Variants in ASCC3 observed in about 807,000 individuals in gnomAD.
The protein encoded by ASCC3 is activating signal cointegrator 1 complex subunit 3, also known as ASC-1 complex subunit P200.
ASCC3 carries 158 observed loss-of-function variants against 256.3 expected under a neutral mutation model. That is an observed-to-expected ratio of 0.62 (90% CI 0.54 to 0.70). The LOEUF (loss-of-function observed/expected upper bound fraction) is 0.70. Ranked by LOEUF, ASCC3 falls within the 30% of genes least tolerant of loss-of-function variation. ASCC3 has a pLI of 0.00. For synonymous variants in ASCC3, 948 were observed against 883.4 expected (o/e 1.07, Z -1.30); for missense variants, 2,259 against 2,626.0 (o/e 0.86, Z 3.05).
chr6:100,863,860 C>T (rs915659216), intron 3 of ASCC3, among the ~76,000 whole-genome samples: 2 of 152,078 alleles, frequency 1.3e-5, no homozygotes, highest in South Asian at 4.2e-4. Flanking sequence ...TGGACTCAAG[C>T]GATCTGCCTG....
Position 100,561,367 on chromosome 6 carries a change from C to T in ASCC3, c.5551-20980G>A, listed in dbSNP as rs151153435. 2.2e-3 allele frequency among the ~76,000 whole-genome samples: 337 copies of T among 152,036 alleles called. 1 individual carries two copies. The highest frequency in any genetic ancestry group is 6.4e-3 in the South Asian group (31 of 4,808). On this transcript the variant is annotated intron_variant, in intron 36 of 41. Transcript: ENST00000369162. Reference sequence around the variant, plus strand: ...GTTCTAAATGTATTGTGTTAAAATTCCTTGAATTCTGAAATCCATATATAC... The same window carrying T: ...GTTCTAAATGTATTGTGTTAAAATTTCTTGAATTCTGAAATCCATATATAC...
In ASCC3 at chr6:100,671,751, A is replaced by G. The variant is rs78949867; in HGVS notation, c.2286+7867T>C. Reference sequence around the variant, plus strand: ...TTTACATAACGTTTTCCTACTCATGAGAGAAAAAACACAATGTCAATGCTT... The same window carrying G: ...TTTACATAACGTTTTCCTACTCATGGGAGAAAAAACACAATGTCAATGCTT... On this transcript the variant is annotated intron_variant, in intron 14 of 41. Transcript: ENST00000369162. 1.5e-3 allele frequency among the ~76,000 whole-genome samples: 230 copies of G among 152,210 alleles called. 7 individuals carry two copies. The East Asian group carries it at 0.039, about 26-fold the overall frequency.
chr6:100,689,014 T>A (rs575696041), intron 13 of ASCC3, among the ~76,000 whole-genome samples: 2 of 152,342 alleles, frequency 1.3e-5, no homozygotes, highest in South Asian at 4.1e-4. Flanking sequence ...CTCTTCCTGT[T>A]GTTTAAAACC....
At chr6:100,637,300 C>A (rs745733250) in intron 25 of ASCC3, among the ~76,000 whole-genome samples, 1 of 152,144 alleles carries the variant, frequency 6.6e-6, no homozygotes, top group Non-Finnish European at 1.5e-5. Flanking sequence ...GACAGCATAT[C>A]TACTAAACAG....
chr6:100,539,851 G>A (rs371331985), intron 37 of ASCC3, among the ~76,000 whole-genome samples: 8 of 151,644 alleles, frequency 5.3e-5, no homozygotes, highest in Non-Finnish European at 1.0e-4. Flanking sequence ...AGTCTTCCCC[G>A]TCTTGAGTGA....
chr6:100,638,994 G>A (rs75717562), intron 24 of ASCC3, among the ~76,000 whole-genome samples, 173 bp from the exon 25 acceptor site: 4,615 of 152,266 alleles, frequency 0.03, 76 homozygotes, highest in African/African-American at 0.055. Flanking sequence ...TGTCACGCAA[G>A]TAACCACATT....
chr6:100,585,467 A>G (rs1056638143), intron 36 of ASCC3, among the ~76,000 whole-genome samples: 1 of 152,110 alleles, frequency 6.6e-6, no homozygotes, highest in African/African-American at 2.4e-5. Flanking sequence ...TGGTTATTCT[A>G]GTTATACATT....
At chr6:100,789,381 G>A (rs1582867040) in intron 8 of ASCC3, among the ~76,000 whole-genome samples, 1 of 151,954 alleles carries the variant, frequency 6.6e-6, no homozygotes, top group Admixed American at 6.6e-5. Flanking sequence ...GGAGGCCAGT[G>A]CTTTTAAAAA....
chr6:100,677,644 G>C (rs1251188921), intron 14 of ASCC3, among the ~76,000 whole-genome samples: 2 of 151,552 alleles, frequency 1.3e-5, no homozygotes, highest in East Asian at 3.9e-4. Flanking sequence ...TAAAAGCTAA[G>C]AAAAAAAGTA....
At chr6:100,695,214 A>T (rs997346599) in intron 13 of ASCC3, among the ~76,000 whole-genome samples, 6 of 152,198 alleles carry the variant, frequency 3.9e-5, no homozygotes, top group Non-Finnish European at 8.8e-5. Flanking sequence ...CAAATCCAGA[A>T]AGACAAAATA....
chr6:100,580,420 G>T (rs1462641700), intron 36 of ASCC3, among the ~76,000 whole-genome samples: 1 of 151,842 alleles, frequency 6.6e-6, no homozygotes, highest in East Asian at 1.9e-4. Flanking sequence ...TAATTGAAGA[G>T]AAATAATGGG....
chr6:100,783,621 T>C lies in ASCC3; in HGVS notation c.1395+15092A>G, dbSNP rs757838082. ...GACTTTCTTTCCACATACCTCCACA[T>C]TGTAACGTTTAAAGAAACCAGAGAA... On this transcript the variant is annotated intron_variant, in intron 8 of 41. Coordinates refer to ENST00000369162, the MANE Select transcript of ASCC3 (RefSeq NM_006828.4). Among the ~76,000 whole-genome samples the C allele has an allele frequency of 5.9e-5, 9 of 152,216 alleles. No individual in the cohort carries two copies. The East Asian group carries it at 1.2e-3, about 20-fold the overall frequency.
At chr6:100,825,894 C>T (rs557642700) in intron 4 of ASCC3, among the ~76,000 whole-genome samples, 181 of 151,662 alleles carry the variant, frequency 1.2e-3, no homozygotes, top group Non-Finnish European at 2.1e-3. Context: ...TTGATTGACT[C>T]GGCTATTGAT....
intron 14 of ASCC3, among the ~76,000 whole-genome samples, chr6:100,670,547 G>A (rs1262216159): frequency 2.0e-5 from 3 of 151,272 alleles, no homozygotes; most frequent in Non-Finnish European, 4.4e-5. Flanking sequence ...TGCATGTTCA[G>A]AACAGATACA....
intron 4 of ASCC3, among the ~76,000 whole-genome samples, chr6:100,812,362 T>C (rs1770514027): frequency 6.6e-6 from 1 of 151,780 alleles, no homozygotes; most frequent in Admixed American, 6.6e-5. Context: ...ATGTCAAATA[T>C]AATAGAAAAA....
intron 14 of ASCC3, among the ~76,000 whole-genome samples, chr6:100,666,438 G>A (rs117044500): frequency 0.015 from 2,348 of 152,190 alleles, 24 homozygotes; most frequent in East Asian, 0.045. Context: ...ATTTGCATCA[G>A]CATTGTATAA....
At chr6:100,832,671 A>T (rs1771679919) in intron 4 of ASCC3, among the ~76,000 whole-genome samples, 1 of 152,112 alleles carries the variant, frequency 6.6e-6, no homozygotes, top group Non-Finnish European at 1.5e-5. Flanking sequence ...TTCATGTTTA[A>T]AACAAATTTA....
chr6:100,633,403 G>T (rs1490661052), intron 25 of ASCC3, among the ~76,000 whole-genome samples: 1 of 152,038 alleles, frequency 6.6e-6, no homozygotes, highest in Non-Finnish European at 1.5e-5. Flanking sequence ...AAGCACAAGA[G>T]TAGTGATACT....
intron 21 of ASCC3, 107 bp from the exon 22 acceptor site, chr6:100,646,876 T>C: frequency 1.7e-6 from 2 of 1,161,690 alleles, no homozygotes; most frequent in Non-Finnish European, 1.3e-6. Context: ...GCTTGTTTTA[T>C]GATTTGCTAT....
Sources: allele counts gnomAD v4.1 joint callset (sites outside exome capture counted in the v4.1 genomes callset), GRCh38; gene constraint gnomAD v4.1.1; transcripts MANE v1.5; gene names NCBI Gene and HGNC (gene_info 2026-07-23, HGNC 2026-07-21).